PLXNA2: variants seen among roughly 807,000 people sequenced by gnomAD.
PLXNA2 encodes plexin-A2.
PLXNA2 carries 91 observed loss-of-function variants against 193.5 expected under a neutral mutation model. The observed-to-expected ratio is 0.47, with a 90% CI of 0.40 to 0.56. The LOEUF is 0.56. Ranked by LOEUF, PLXNA2 falls within the 20% of genes least tolerant of loss-of-function variation. The probability of loss-of-function intolerance (pLI) is 0.00; values close to 1 mark genes in which losing one functional copy is unlikely to be tolerated. For missense variants in PLXNA2, 1,995 were observed against 2,503.2 expected (o/e 0.80, Z 4.33); for synonymous variants, 997 against 1,027.3 (o/e 0.97, Z 0.56).
chr1:208,048,602 C>T (rs1665154444), intron 17 of PLXNA2, among the ~76,000 whole-genome samples: 1 of 152,142 alleles, frequency 6.6e-6, no homozygotes, highest in Non-Finnish European at 1.5e-5. Context: ...CATTCCTGCC[C>T]AGTACTGTAA....
At chr1:208,101,798 G>C (rs1667105080) in intron 5 of PLXNA2, among the ~76,000 whole-genome samples, 1 of 152,220 alleles carries the variant, frequency 6.6e-6, no homozygotes, top group South Asian at 2.1e-4. Context: ...AGTGGCGGAG[G>C]CATGGGGAGT....
intron 22 of PLXNA2, 22 bp from the exon 23 acceptor site, chr1:208,040,080 AG>A: frequency 6.2e-7 from 1 of 1,607,268 alleles, no homozygotes; most frequent in Non-Finnish European, 8.5e-7. Context: ...ACAAAGGGTA[AG>A]GGGCAGTCCT....
intron 3 of PLXNA2, among the ~76,000 whole-genome samples, chr1:208,179,976 A>G (rs1017878013): frequency 1.3e-5 from 2 of 152,106 alleles, no homozygotes; most frequent in Non-Finnish European, 2.9e-5. Context: ...ATCAAAGGGA[A>G]CAAGCAAATA....
chr1:208,070,926 T>C (rs1409892006), intron 12 of PLXNA2, among the ~76,000 whole-genome samples: 2 of 152,062 alleles, frequency 1.3e-5, no homozygotes, highest in African/African-American at 4.8e-5. Context: ...AAAGGAAAAG[T>C]AGCTTTGTTT....
intron 1 of PLXNA2, among the ~76,000 whole-genome samples, chr1:208,227,097 G>A (rs967543793): frequency 1.3e-5 from 2 of 152,164 alleles, no homozygotes; most frequent in African/African-American, 4.8e-5. Context: ...GAATTCTCAG[G>A]CTCCTTCCAA....
rs1664572823 is a variant in PLXNA2, at chr1:208,033,512, G to A, written c.4865-3C>T. On this transcript the variant is annotated splice_region_variant and splice_polypyrimidine_tract_variant and intron_variant, in intron 27 of 31. Transcript: ENST00000367033. The stretch of plus-strand genomic sequence containing the variant: ...GCCCGTATACCTGAAGGAGGAGTCT[G>A]AGGAGAAGGGGTTGGTGGAGGGCTG... 5 of 1,598,164 alleles carry A rather than the reference G, an allele frequency of 3.1e-6. No homozygotes were observed. Among genetic ancestry groups the A allele is most frequent in the African/African-American group, 2.7e-5 (2 of 74,782 alleles).
At chr1:208,104,095 G>A (rs1667184775) in intron 4 of PLXNA2, among the ~76,000 whole-genome samples, 1 of 152,200 alleles carries the variant, frequency 6.6e-6, no homozygotes, top group Admixed American at 6.5e-5. Context: ...GGCTGGGGCA[G>A]GAGGCTGCTG....
intron 2 of PLXNA2, among the ~76,000 whole-genome samples, chr1:208,211,927 G>A (rs1238883211): frequency 1.3e-5 from 2 of 152,210 alleles, no homozygotes; most frequent in Non-Finnish European, 2.9e-5. Context: ...CTGCTGAGGG[G>A]TTTGCATTCT....
At chr1:208,085,099 T>A (rs1193497930) in intron 9 of PLXNA2, among the ~76,000 whole-genome samples, 3 of 151,566 alleles carry the variant, frequency 2.0e-5, no homozygotes, top group East Asian at 3.9e-4. Context: ...TTTTTTTTTT[T>A]AATCTCATTT....
chr1:208,067,669 C>T (rs922203501), intron 12 of PLXNA2, among the ~76,000 whole-genome samples: 1 of 152,142 alleles, frequency 6.6e-6, no homozygotes, highest in African/African-American at 2.4e-5. Flanking sequence ...TGTTCAGGAC[C>T]AGTCACATGC....
At chr1:208,173,530 T>A (rs1669561039) in intron 3 of PLXNA2, among the ~76,000 whole-genome samples, 1 of 152,250 alleles carries the variant, frequency 6.6e-6, no homozygotes, top group South Asian at 2.1e-4. Flanking sequence ...ATCACACAGC[T>A]AGCACACGGC....
Position 208,079,543 on chromosome 1 carries a change from C to T in PLXNA2, c.2396-93G>A, listed in dbSNP as rs1029509754. ...AGGTGTGATAGAAATGATAGAAACT[C>T]TTCCCCACCATGGATAACACCACCA... On this transcript the variant is annotated intron_variant, in intron 11 of 31. Transcript: ENST00000367033. The T allele has an allele frequency of 2.7e-5, 25 of 913,358 alleles. 1 individual carries two copies. In the East Asian group the frequency reaches 6.5e-4, roughly 24 times the overall value. The allele number at this position is 913,358 out of a possible 1,614,324, so 56.6% of individuals were successfully genotyped here. A position where few individuals can be genotyped will look rare whatever the true frequency, so the allele number is the denominator to read the frequency against.
intron 3 of PLXNA2, among the ~76,000 whole-genome samples, chr1:208,175,727 C>T (rs1422636180): frequency 2.0e-5 from 3 of 152,212 alleles, no homozygotes; most frequent in Admixed American, 2.0e-4. Flanking sequence ...CTGGAAAGGT[C>T]ATCCATAGCC....
chr1:208,189,298 G>A (rs934255705), intron 3 of PLXNA2, among the ~76,000 whole-genome samples: 4 of 152,154 alleles, frequency 2.6e-5, no homozygotes, highest in Non-Finnish European at 5.9e-5. Flanking sequence ...GCCTGGGGAG[G>A]TGGTGGCAGC....
intron 3 of PLXNA2, among the ~76,000 whole-genome samples, chr1:208,180,370 G>T (rs77614908): frequency 0.013 from 2,021 of 152,206 alleles, 59 homozygotes; most frequent in East Asian, 0.12. Flanking sequence ...CCTCTGCCGG[G>T]ATGGCTGGGA....
chr1:208,046,797 AGTGTGTGTGTGTGTGTGTGTGT>A (rs57420579), intron 17 of PLXNA2, among the ~76,000 whole-genome samples: 5 of 129,592 alleles, frequency 3.9e-5, no homozygotes, highest in African/African-American at 1.2e-4. Flanking sequence ...AGAACAGCAT[AGTGTGTGTGTGTGTGTGTGTGT>A]GTGTGTGTGT....
At chr1:208,242,574 C>T (rs1033892506) in intron 1 of PLXNA2, among the ~76,000 whole-genome samples, 14 of 152,180 alleles carry the variant, frequency 9.2e-5, no homozygotes, top group African/African-American at 3.4e-4. Flanking sequence ...TACAGGGGAC[C>T]TGTTCAGATT....
In PLXNA2 at chr1:208,186,718, T is replaced by TTGTTTTTTG. The variant is rs1553294087; in HGVS notation, c.1371+23561_1371+23562insCAAAAAACA. On this transcript the variant is annotated intron_variant, in intron 3 of 31. Coordinates refer to ENST00000367033, the MANE Select transcript of PLXNA2 (RefSeq NM_025179.4). ...GGGAATTGCAATGTTATTTTATTTT[T>TTGTTTTTTG]TTTTTTTTTTTTGAGACGGAGTCTC... 7.8e-4 allele frequency among the ~76,000 whole-genome samples: 72 copies of TTGTTTTTTG among 91,874 alleles called. 4 individuals are homozygous for TTGTTTTTTG. The highest frequency in any genetic ancestry group is 2.5e-3 in the East Asian group (2 of 806). The allele number at this position is 91,874 out of a possible 152,430, so 60.3% of individuals were successfully genotyped here.
intron 4 of PLXNA2, among the ~76,000 whole-genome samples, chr1:208,108,521 G>A (rs1667347331): frequency 1.3e-5 from 2 of 152,160 alleles, no homozygotes; most frequent in African/African-American, 4.8e-5. Flanking sequence ...CTGCATCTCT[G>A]CCACCCTATA....
Sources: gnomAD v4.1 joint callset for allele counts (sites outside exome capture counted in the v4.1 genomes callset) on GRCh38, gnomAD v4.1.1 for gene constraint, MANE v1.5 for transcripts, NCBI Gene and HGNC (gene_info 2026-07-23, HGNC 2026-07-21) for gene names.